Variants in KIDINS220 observed in about 807,000 individuals in gnomAD.
KIDINS220 encodes the protein kinase D-interacting substrate of 220 kDa.
Under a neutral mutation model 157.6 loss-of-function variants are expected in KIDINS220, and 63 were observed. That is an observed-to-expected ratio of 0.40 (90% confidence interval 0.33 to 0.49). The LOEUF (loss-of-function observed/expected upper bound fraction) is 0.49. KIDINS220 is among the 20% of genes least tolerant of loss of function. The pLI, the probability that KIDINS220 is intolerant of heterozygous loss-of-function variation, is 0.66. For synonymous variants in KIDINS220, 732 were observed against 783.6 expected (o/e 0.93, Z 1.10); for missense variants, 1,772 against 2,171.2 (o/e 0.82, Z 3.65).
intron 26 of KIDINS220, among the ~76,000 whole-genome samples, chr2:8,744,415 T>C (rs1226303737): frequency 1.2e-5 from 1 of 82,568 alleles, no homozygotes. Context: ...TATATATATA[T>C]ATATATATAT....
intron 23 of KIDINS220, among the ~76,000 whole-genome samples, chr2:8,750,968 T>A (rs948359655): frequency 4.6e-5 from 7 of 152,194 alleles, no homozygotes; most frequent in African/African-American, 1.7e-4. Context: ...CTCCAGAACT[T>A]CATTTATTCC....
At chr2:8,834,199 C>T (rs182924950) in intron 1 of KIDINS220, among the ~76,000 whole-genome samples, 2 of 152,228 alleles carry the variant, frequency 1.3e-5, no homozygotes, top group South Asian at 2.1e-4. Flanking sequence ...CTAAGTGGTC[C>T]TCCTGAATCG....
intron 28 of KIDINS220, among the ~76,000 whole-genome samples, 170 bp downstream of exon 28, chr2:8,734,485 C>T (rs1664594826): frequency 6.6e-6 from 1 of 152,162 alleles, no homozygotes; most frequent in Non-Finnish European, 1.5e-5. Flanking sequence ...TTTTCCACAA[C>T]ACAGGATTGC....
chr2:8,777,572 A>T lies in KIDINS220; in HGVS notation c.2704-680T>A, dbSNP rs190935522. On this transcript the variant is annotated intron_variant, in intron 20 of 29. Coordinates refer to ENST00000256707, the MANE Select transcript of KIDINS220 (RefSeq NM_020738.4). Reference sequence around the variant, plus strand: ...CACTTAATCCTCCCAAAGTGCTAGGATTACAAGCATGAGCACTGCACCTGG... The same window carrying T: ...CACTTAATCCTCCCAAAGTGCTAGGTTTACAAGCATGAGCACTGCACCTGG... Among the ~76,000 whole-genome samples the T allele has an allele frequency of 3.3e-3, 499 of 152,320 alleles. 3 individuals carry two copies. Among genetic ancestry groups the T allele is most frequent in the Non-Finnish European group, 4.0e-3 (270 of 68,028 alleles).
intron 7 of KIDINS220, among the ~76,000 whole-genome samples, chr2:8,804,181 T>C (rs545658827): frequency 9.0e-4 from 137 of 152,298 alleles, no homozygotes; most frequent in Admixed American, 2.4e-3. Context: ...CTTGAAGGTT[T>C]GCAATGAGTC....
intron 22 of KIDINS220, chr2:8,757,738 A>G (rs768241606): frequency 6.2e-7 from 1 of 1,612,338 alleles, no homozygotes; most frequent in South Asian, 1.1e-5. Flanking sequence ...ACTAACACTG[A>G]CTTGGAAATG....
intron 6 of KIDINS220, among the ~76,000 whole-genome samples, chr2:8,810,049 C>G (rs565442921): frequency 6.6e-6 from 1 of 152,256 alleles, no homozygotes; most frequent in South Asian, 2.1e-4. Flanking sequence ...GAAGCCGTCC[C>G]CTGGTACCTT....
chr2:8,732,066 C>T (rs1192979785), intron 29 of KIDINS220, 84 bp from the exon 30 acceptor site: 14 of 1,171,970 alleles, frequency 1.2e-5, no homozygotes, highest in African/African-American at 4.7e-5. Context: ...TATATATGTA[C>T]ACTAACCATT....
At chr2:8,745,343 A>C (rs900352064) in intron 26 of KIDINS220, among the ~76,000 whole-genome samples, 1 of 152,204 alleles carries the variant, frequency 6.6e-6, no homozygotes, top group Non-Finnish European at 1.5e-5. Context: ...GTAAGCACTG[A>C]AGAGAATTAT....
At chr2:8,774,403 CA>C (rs1347773743) in intron 21 of KIDINS220, among the ~76,000 whole-genome samples, 2 of 150,874 alleles carry the variant, frequency 1.3e-5, no homozygotes, top group Non-Finnish European at 3.0e-5. Context: ...AACAAACAAA[CA>C]AAAAAGTAAA....
At chr2:8,821,278 GA>G (rs1677915510) in intron 2 of KIDINS220, among the ~76,000 whole-genome samples, 3 of 151,846 alleles carry the variant, frequency 2.0e-5, no homozygotes, top group Admixed American at 2.0e-4. Context: ...TTCTCTTGCA[GA>G]AACTATTAGC....
At position 8,796,768 on chromosome 2, in the gene KIDINS220, T is replaced by C. The variant is rs993867644; in HGVS notation, c.1098+3A>G. 1 of 1,610,074 alleles carries C rather than the reference T, an allele frequency of 6.2e-7. No individual in the cohort carries two copies. Among genetic ancestry groups the C allele is most frequent in the Non-Finnish European group, 8.5e-7 (1 of 1,176,236 alleles). On this transcript the variant is annotated splice_donor_region_variant and intron_variant, in intron 11 of 29. Coordinates refer to ENST00000256707, the MANE Select transcript of KIDINS220 (RefSeq NM_020738.4). Reference sequence around the variant, plus strand: ...CAGTGTTCTCTCCGCACAGATGTTTTACCTTATCTACAGCAGACACTTTAG... The same window carrying C: ...CAGTGTTCTCTCCGCACAGATGTTTCACCTTATCTACAGCAGACACTTTAG...
intron 26 of KIDINS220, among the ~76,000 whole-genome samples, chr2:8,739,276 T>A (rs760198836): frequency 5.3e-5 from 8 of 152,194 alleles, no homozygotes; most frequent in Non-Finnish European, 1.2e-4. Flanking sequence ...GAATTACTTT[T>A]AAAAGCTTTT....
intron 6 of KIDINS220, among the ~76,000 whole-genome samples, chr2:8,808,099 G>A (rs1352700126): frequency 2.6e-5 from 4 of 151,964 alleles, no homozygotes; most frequent in African/African-American, 9.7e-5. Flanking sequence ...ACTCCAGCCT[G>A]GGTAACAGAG....
intron 7 of KIDINS220, among the ~76,000 whole-genome samples, chr2:8,805,687 A>G (rs1675347112): frequency 6.6e-6 from 1 of 152,206 alleles, no homozygotes; most frequent in South Asian, 2.1e-4. Context: ...GCACATTTTG[A>G]TTAATGACAG....
intron 9 of KIDINS220, among the ~76,000 whole-genome samples, chr2:8,799,289 G>C (rs75791303): frequency 1.3e-5 from 2 of 148,544 alleles, no homozygotes; most frequent in East Asian, 3.9e-4. Context: ...TTTTTTTTAA[G>C]AGACAAGGTC....
chr2:8,740,883 G>T (rs1310929192), intron 26 of KIDINS220, among the ~76,000 whole-genome samples: 1 of 152,198 alleles, frequency 6.6e-6, no homozygotes, highest in Non-Finnish European at 1.5e-5. Context: ...TGCTTAAAAT[G>T]ATCTAGAGAT....
intron 3 of KIDINS220, 48 bp from the exon 4 acceptor site, chr2:8,817,764 C>A: frequency 1.5e-6 from 2 of 1,292,692 alleles, no homozygotes; most frequent in Non-Finnish European, 2.2e-6. Flanking sequence ...AAAAATAACA[C>A]GTCAAAGTAA....
At chr2:8,732,275 T>A (rs570147652) in intron 29 of KIDINS220, among the ~76,000 whole-genome samples, 1 of 152,224 alleles carries the variant, frequency 6.6e-6, no homozygotes, top group South Asian at 2.1e-4. Flanking sequence ...TTTTATTTCA[T>A]TTTTAAGAGA....
Sources: gnomAD v4.1 joint callset for allele counts (sites outside exome capture counted in the v4.1 genomes callset) on GRCh38, gnomAD v4.1.1 for gene constraint, MANE v1.5 for transcripts, NCBI Gene and HGNC (gene_info 2026-07-23, HGNC 2026-07-21) for gene names.